The following FBN1 variants were observed in gnomAD, a reference collection of about 807,000 sequenced individuals.
The protein encoded by FBN1 is fibrillin-1.
A neutral mutation model predicts 365.1 loss-of-function variants in FBN1; 29 were observed. The observed-to-expected ratio is 0.08, with a 90% CI of 0.06 to 0.11. The LOEUF (loss-of-function observed/expected upper bound fraction) is 0.11, where lower values mean the gene tolerates loss of function less well. FBN1 is among the 10% of genes least tolerant of loss of function. The pLI, the probability that FBN1 is intolerant of heterozygous loss-of-function variation, is 1.00. For synonymous variants in FBN1, 1,210 were observed against 1,270.5 expected (o/e 0.95, Z 1.01); for missense variants, 2,476 against 3,703.2 (o/e 0.67, Z 8.60).
chr15:48,537,287 A>G (rs2044021094), intron 7 of FBN1, among the ~76,000 whole-genome samples: 1 of 152,210 alleles, frequency 6.6e-6, no homozygotes, highest in African/African-American at 2.4e-5. Context: ...CTTGTTCACA[A>G]ACCTTGCTTT....
At chr15:48,484,598 T>C (rs2043491060) in intron 30 of FBN1, among the ~76,000 whole-genome samples, 1 of 152,322 alleles carries the variant, frequency 6.6e-6, no homozygotes, top group East Asian at 1.9e-4. Flanking sequence ...CTTGAACTCC[T>C]GAACTCAGGT....
chr15:48,485,415 T>G lies in FBN1; in HGVS notation c.3671A>C (p.Gln1224Pro). 1 of 1,614,242 alleles carries G rather than the reference T, an allele frequency of 6.2e-7. No individual in the cohort carries two copies. The highest frequency in any genetic ancestry group is 8.5e-7 in the Non-Finnish European group (1 of 1,180,042). ...NSEGSYECSC[Q>P]PGFALMPDQR... is the part of the protein sequence containing the mutation. ...GTCAGGCATTAGTGCAAATCCCGGC[T>G]GACAGCTACATTCATAGCTGCCTTC... is the stretch of plus-strand genomic sequence containing the variant. The change falls in exon 30 of 66, where the codon CAG becomes CCG. Residue 1224 changes from glutamine to proline, a missense_variant. This residue lies in a region of FBN1 where 1,780 missense variants were observed against 2,840.8 expected (regional missense o/e 0.63). Transcript: ENST00000316623.
intron 32 of FBN1, among the ~76,000 whole-genome samples, chr15:48,479,539 A>C (rs953700631): frequency 6.6e-6 from 1 of 152,208 alleles, no homozygotes; most frequent in Non-Finnish European, 1.5e-5. Flanking sequence ...AGCAAATTGG[A>C]AAATCATTTT....
intron 2 of FBN1, among the ~76,000 whole-genome samples, chr15:48,630,585 CA>C (rs1889965108): frequency 6.6e-6 from 1 of 151,948 alleles, no homozygotes; most frequent in Non-Finnish European, 1.5e-5. Context: ...GAAAGGTTTT[CA>C]AAACTTTAAA....
At chr15:48,498,206 AACTT>A (rs1385928270) in intron 18 of FBN1, among the ~76,000 whole-genome samples, 1 of 151,922 alleles carries the variant, frequency 6.6e-6, no homozygotes, top group African/African-American at 2.4e-5. Context: ...TCCCTATCAC[AACTT>A]ACTTATTCCC....
chr15:48,593,670 T>C (rs1029522124), intron 6 of FBN1, among the ~76,000 whole-genome samples: 7 of 152,188 alleles, frequency 4.6e-5, no homozygotes, highest in African/African-American at 1.7e-4. Context: ...CAGTTCATCA[T>C]CTATGGGTCG....
In FBN1 at chr15:48,534,205, T is replaced by G; in HGVS notation, c.737A>C (p.Asp246Ala). The change falls in exon 8 of 66, where the codon GAT (aspartate) becomes GCT (alanine). Residue 246 changes from aspartate (D) to alanine (A), a missense_variant and splice_region_variant. By Grantham distance (126) the Asp-to-Ala change is moderately radical. This residue lies in a region of FBN1 where 421 missense variants were observed against 520.1 expected (regional missense o/e 0.81). Transcript: ENST00000316623. ...IPNIRTGACQ[D>A]VDECQAIPGL... is the part of the protein sequence containing the mutation. ...GGGGATGGCCTGGCATTCATCCACA[T>G]CTGTCAGATTACAGAAGACAGAGAG... 1 of 1,611,952 alleles carries G rather than the reference T, an allele frequency of 6.2e-7. No homozygotes were observed. Among genetic ancestry groups the G allele is most frequent in the South Asian group, 1.1e-5 (1 of 90,992 alleles).
rs540934671 is a variant in FBN1, at chr15:48,456,868, G to C, written c.5297-106C>G. 678 of 1,141,518 alleles carry C rather than the reference G, an allele frequency of 5.9e-4. 2 individuals carry two copies. In the African/African-American group the frequency reaches 9.6e-3, roughly 16 times the overall value. The allele number at this position is 1,141,518 out of a possible 1,614,324, so 70.7% of individuals were successfully genotyped here. ...CGTGTGTGTGTGTGTGTGTGTGTGTGTGTGCGTGCATGTGTTGGGGTGGTG... is the reference window on the plus strand; with the variant it reads ...CGTGTGTGTGTGTGTGTGTGTGTGTCTGTGCGTGCATGTGTTGGGGTGGTG... On this transcript the variant is annotated intron_variant, in intron 43 of 65. Transcript: ENST00000316623.
intron 2 of FBN1, among the ~76,000 whole-genome samples, chr15:48,633,999 A>G (rs955358094): frequency 2.6e-5 from 4 of 152,220 alleles, no homozygotes; most frequent in Non-Finnish European, 4.4e-5. Context: ...TAACTAATTT[A>G]TAATATGAAT....
chr15:48,603,952 C>A (rs2044586862), intron 4 of FBN1, among the ~76,000 whole-genome samples: 1 of 152,164 alleles, frequency 6.6e-6, no homozygotes, highest in African/African-American at 2.4e-5. Context: ...TAAAAGATCC[C>A]AAATTAATTT....
chr15:48,552,295 C>T (rs1311635519), intron 6 of FBN1, among the ~76,000 whole-genome samples: 1 of 142,754 alleles, frequency 7.0e-6, no homozygotes, highest in African/African-American at 2.6e-5. Context: ...TTTTTTGAGA[C>T]AGAATCTCAT....
At chr15:48,491,600 C>A (rs1685970052) in intron 24 of FBN1, among the ~76,000 whole-genome samples, 1 of 152,218 alleles carries the variant, frequency 6.6e-6, no homozygotes, top group Non-Finnish European at 1.5e-5. Context: ...ATCCACCTGC[C>A]TCGGCCTCCC....
intron 49 of FBN1, among the ~76,000 whole-genome samples, chr15:48,442,329 C>T (rs2043122524): frequency 6.6e-6 from 1 of 152,182 alleles, no homozygotes; most frequent in Admixed American, 6.5e-5. Flanking sequence ...ATACCCTATG[C>T]TATAGCCCTA....
intron 42 of FBN1, 49 bp downstream of exon 42, chr15:48,463,033 G>C: frequency 6.4e-7 from 1 of 1,557,402 alleles, no homozygotes; most frequent in African/African-American, 1.4e-5. Context: ...AACAATTCAT[G>C]GGTAATTTTT....
At chr15:48,616,044 A>G (rs1889645041) in intron 2 of FBN1, among the ~76,000 whole-genome samples, 1 of 152,254 alleles carries the variant, frequency 6.6e-6, no homozygotes, top group African/African-American at 2.4e-5. Context: ...TTAAAGCAAT[A>G]ACTAGACTTT....
intron 6 of FBN1, among the ~76,000 whole-genome samples, chr15:48,587,069 T>C (rs545595644): frequency 2.6e-5 from 4 of 152,290 alleles, no homozygotes; most frequent in African/African-American, 9.6e-5. Flanking sequence ...TGATATTATA[T>C]CCATGGCAAC....
intron 47 of FBN1, among the ~76,000 whole-genome samples, chr15:48,446,087 T>C (rs1179830860): frequency 1.3e-5 from 2 of 152,150 alleles, no homozygotes; most frequent in African/African-American, 4.8e-5. Flanking sequence ...TGGCTTAATC[T>C]AATTCCATTT....
Position 48,537,776 on chromosome 15 carries a change from T to C in FBN1, c.571A>G (p.Ser191Gly). 6.2e-7 allele frequency: 1 copy of C among 1,614,202 alleles called. No homozygotes were observed. Among genetic ancestry groups the C allele is most frequent in the Non-Finnish European group, 8.5e-7 (1 of 1,180,042 alleles). Reference sequence around the variant, plus strand: ...AGTTGTCCCTGGCACATCTGGTTGCTGATCACAGTAAAACATGGGCCTGTC... The same window carrying C: ...AGTTGTCCCTGGCACATCTGGTTGCCGATCACAGTAAAACATGGGCCTGTC... ...YRTGPCFTVI[S>G]NQMCQGQLSG... Residue 191 changes from serine (S) to glycine (G), a missense_variant, in exon 7 of 66, where the codon AGC (serine) becomes GGC (glycine). Transcript: ENST00000316623.
At chr15:48,511,255 C>T (rs2141324666) in intron 13 of FBN1, among the ~76,000 whole-genome samples, 1 of 152,216 alleles carries the variant, frequency 6.6e-6, no homozygotes, top group Middle Eastern at 3.4e-3. Context: ...CAGTGGTTTC[C>T]ACACAAGTCA....
Sources: allele counts gnomAD v4.1 joint callset (sites outside exome capture counted in the v4.1 genomes callset), GRCh38; gene constraint gnomAD v4.1.1; regional missense constraint gnomAD v4.1.1; transcripts MANE v1.5; gene names NCBI Gene and HGNC (gene_info 2026-07-23, HGNC 2026-07-21).